ABCB5: variants seen among roughly 807,000 people sequenced by gnomAD.
The protein encoded by ABCB5 is ATP-binding cassette sub-family B member 5.
ABCB5 carries 155 observed loss-of-function variants against 144.2 expected under a neutral mutation model. That is an observed-to-expected ratio of 1.08 (90% confidence interval 0.94 to 1.23). The LOEUF (loss-of-function observed/expected upper bound fraction) is 1.23. ABCB5 is among the 50% of genes most tolerant of loss of function. ABCB5 has a pLI of 0.00. For synonymous variants in ABCB5, 610 were observed against 528.6 expected, an observed-to-expected ratio of 1.15 and a Z score of -2.11; for missense variants, 1,830 against 1,520.8, an observed-to-expected ratio of 1.20 and a Z score of -3.38.
At chr7:20,627,633 C>G (rs1482133459) in intron 3 of ABCB5, among the ~76,000 whole-genome samples, 2 of 151,938 alleles carry the variant, frequency 1.3e-5, no homozygotes, top group Non-Finnish European at 2.9e-5. Context: ...GGCTTTCAGG[C>G]ATTTCTTTCT....
chr7:20,667,700 TGCCCCTGCCCCTGCCCCTGC>T (rs1785246775), intron 14 of ABCB5: 2 of 136,210 alleles, frequency 1.5e-5, no homozygotes, highest in Non-Finnish European at 3.0e-5. Flanking sequence ...CCCCTGCCCC[TGCCCCTGCCCCTGCCCCTGC>T]CCCTGCCCCT....
intron 23 of ABCB5, among the ~76,000 whole-genome samples, chr7:20,730,564 C>G (rs911524892): frequency 1.3e-5 from 2 of 152,172 alleles, no homozygotes; most frequent in Non-Finnish European, 2.9e-5. Flanking sequence ...CCTATGTTCT[C>G]CTAGCCTCTA....
Position 20,623,253 on chromosome 7 carries a change from A to G in ABCB5, c.-21-12A>G, listed in dbSNP as rs1178899993. The stretch of plus-strand genomic sequence containing the variant: ...ACATAGCCATAATACATTTGTTAAA[A>G]TTGTATTTCAGAAGAAGTAAATTGT... On this transcript the variant is annotated splice_polypyrimidine_tract_variant and intron_variant, in intron 1 of 27. Coordinates refer to ENST00000404938, the MANE Select transcript of ABCB5 (RefSeq NM_001163941.2). 7.0e-7 allele frequency: 1 copy of G among 1,432,184 alleles called. No homozygotes were observed. The highest frequency in any genetic ancestry group is 9.6e-7 in the Non-Finnish European group (1 of 1,039,252). The allele number at this position is 1,432,184 out of a possible 1,614,324, so 88.7% of individuals were successfully genotyped here. A position where few individuals can be genotyped will look rare whatever the true frequency, so the allele number is the denominator to read the frequency against.
At chr7:20,653,058 A>C (rs1381617416) in intron 13 of ABCB5, among the ~76,000 whole-genome samples, 1 of 152,210 alleles carries the variant, frequency 6.6e-6, no homozygotes, top group African/African-American at 2.4e-5. Context: ...CTTTGGGAAC[A>C]CACATTTCCT....
chr7:20,750,499 T>C (rs1782888855), intron 26 of ABCB5, among the ~76,000 whole-genome samples: 1 of 152,142 alleles, frequency 6.6e-6, no homozygotes, highest in African/African-American at 2.4e-5. Flanking sequence ...GGATATAATA[T>C]AGTCCTTTAT....
chr7:20,679,062 G>T (rs1785700938), intron 14 of ABCB5, among the ~76,000 whole-genome samples: 1 of 152,170 alleles, frequency 6.6e-6, no homozygotes, highest in South Asian at 2.1e-4. Context: ...TGACCTTGGA[G>T]TAAAGATTTC....
chr7:20,712,014 T>A (rs901108099), intron 20 of ABCB5, among the ~76,000 whole-genome samples: 1 of 143,020 alleles, frequency 7.0e-6, no homozygotes, highest in Non-Finnish European at 1.5e-5. Flanking sequence ...CCGAGGCGGG[T>A]GGACCACGAG....
At chr7:20,739,400 T>C (rs1249940864) in intron 24 of ABCB5, among the ~76,000 whole-genome samples, 2 of 151,774 alleles carry the variant, frequency 1.3e-5, no homozygotes, top group East Asian at 3.9e-4. Context: ...AAAATAAAAA[T>C]AAAAAATAAA....
intron 23 of ABCB5, among the ~76,000 whole-genome samples, chr7:20,730,786 G>A (rs1250960776): frequency 1.3e-5 from 2 of 152,146 alleles, no homozygotes; most frequent in African/African-American, 4.8e-5. Context: ...AAAGTTGGTT[G>A]TAATCCAAAA....
At chr7:20,745,114 GA>G (rs1782678429) in intron 25 of ABCB5, 117 bp from the exon 26 acceptor site, 6 of 1,103,938 alleles carry the variant, frequency 5.4e-6, no homozygotes, top group Non-Finnish European at 6.7e-6. Flanking sequence ...TTTATACTTT[GA>G]AATAGCTTGA....
At chr7:20,624,268 T>C (rs1583374303) in intron 2 of ABCB5, among the ~76,000 whole-genome samples, 1 of 152,190 alleles carries the variant, frequency 6.6e-6, no homozygotes, top group Admixed American at 6.5e-5. Flanking sequence ...CAGGAAGCAT[T>C]GTAACTGTAC....
At chr7:20,674,621 T>G (rs1219277539) in intron 14 of ABCB5, among the ~76,000 whole-genome samples, 1 of 151,450 alleles carries the variant, frequency 6.6e-6, no homozygotes, top group Non-Finnish European at 1.5e-5. Flanking sequence ...TCTTACCACT[T>G]GCATTCAACA....
intron 14 of ABCB5, chr7:20,660,256 A>G: frequency 1.0e-6 from 1 of 985,490 alleles, no homozygotes; most frequent in Non-Finnish European, 1.2e-6. Flanking sequence ...CAACTGTGAA[A>G]AAAATGAAGG....
rs78319747 is a variant in ABCB5 at position 20,750,934 on chromosome 7, G to A, written c.3430-2426G>A. Among the ~76,000 whole-genome samples, 40 of 152,290 alleles carry A rather than the reference G, an allele frequency of 2.6e-4. No homozygotes were observed. In the East Asian group the frequency reaches 7.3e-3, roughly 28 times the overall value. ...AAGGATCCTCTGAGACACACACCAG[G>A]TGTGGTTCTCTACTAATCTTCACAG... On this transcript the variant is annotated intron_variant, in intron 26 of 27. Transcript: ENST00000404938.
intron 16 of ABCB5, among the ~76,000 whole-genome samples, chr7:20,695,479 T>C (rs1238243082): frequency 6.6e-6 from 1 of 151,504 alleles, no homozygotes; most frequent in East Asian, 1.9e-4. Context: ...GAAAATGCAA[T>C]AAAAAAATCT....
At chr7:20,667,038 G>A (rs374527363) in intron 14 of ABCB5, 2 of 561,530 alleles carry the variant, frequency 3.6e-6, no homozygotes. Context: ...ATCTAGTAGA[G>A]ATGTATTTTT....
At chr7:20,643,052 G>C (rs1267606135) in intron 5 of ABCB5, 132 bp from the exon 6 acceptor site, 60 of 720,240 alleles carry the variant, frequency 8.3e-5, no homozygotes, top group Non-Finnish European at 1.1e-4. Flanking sequence ...CACTCTCATG[G>C]CATGTTATTT....
At chr7:20,726,951 T>TC (rs1782055828) in intron 21 of ABCB5, 89 bp from the exon 22 acceptor site, 1 of 776,290 alleles carries the variant, frequency 1.3e-6, no homozygotes, top group African/African-American at 1.8e-5. Flanking sequence ...ACTTAATATG[T>TC]CCCCAGTGTG....
At chr7:20,621,299 A>G (rs1483890189) in intron 1 of ABCB5, among the ~76,000 whole-genome samples, 1 of 152,132 alleles carries the variant, frequency 6.6e-6, no homozygotes, top group African/African-American at 2.4e-5. Context: ...AAAGTTCTGA[A>G]GATAGATATG....
Sources: gnomAD v4.1 joint callset for allele counts (sites outside exome capture counted in the v4.1 genomes callset) on GRCh38, gnomAD v4.1.1 for gene constraint, MANE v1.5 for transcripts, NCBI Gene and HGNC (gene_info 2026-07-23, HGNC 2026-07-21) for gene names.